Variants in SIPA1L3 observed in about 807,000 individuals in gnomAD.
SIPA1L3 encodes the protein signal-induced proliferation-associated 1-like protein 3.
In SIPA1L3, 59 loss-of-function variants were observed where a neutral mutation model predicts 150.1. The ratio of observed to expected loss-of-function variants is 0.39; its 90% confidence interval spans 0.32 to 0.49. The LOEUF (loss-of-function observed/expected upper bound fraction) is 0.49. Ranked by LOEUF, SIPA1L3 falls within the 20% of genes least tolerant of loss-of-function variation. SIPA1L3 has a pLI of 0.86. For missense variants in SIPA1L3, 2,211 were observed against 2,489.5 expected, an observed-to-expected ratio of 0.89 and a Z score of 2.38; for synonymous variants, 1,070 against 1,077.6, an observed-to-expected ratio of 0.99 and a Z score of 0.14.
chr19:38,193,397 G>A lies in SIPA1L3; in HGVS notation c.4597-140G>A, dbSNP rs186810612. 3.7e-4 allele frequency: 373 copies of A among 994,720 alleles called. 4 individuals are homozygous for A. In the African/African-American group the frequency reaches 5.8e-3, roughly 15 times the overall value. The allele number at this position is 994,720 out of a possible 1,614,324, so 61.6% of individuals were successfully genotyped here. On this transcript the variant is annotated intron_variant, in intron 17 of 21. Coordinates refer to ENST00000222345, the MANE Select transcript of SIPA1L3 (RefSeq NM_015073.3). ...GGGGAGGGAGGAAGGGAGGGAGGGA[G>A]GAAGGAAGGAAATGGGGCAGAAATG...
At chr19:38,122,224 A>G (rs1489806873) in intron 9 of SIPA1L3, among the ~76,000 whole-genome samples, 1 of 152,174 alleles carries the variant, frequency 6.6e-6, no homozygotes, top group Non-Finnish European at 1.5e-5. Flanking sequence ...CTGTCTCAAA[A>G]AAACAAACAA....
intron 12 of SIPA1L3, among the ~76,000 whole-genome samples, chr19:38,143,314 G>A (rs1971633624): frequency 6.6e-6 from 1 of 152,112 alleles, no homozygotes; most frequent in South Asian, 2.1e-4. Context: ...CTCAGGGGCA[G>A]CCACATCAAT....
At chr19:38,036,387 C>G (rs1269493221) in intron 2 of SIPA1L3, among the ~76,000 whole-genome samples, 1 of 152,214 alleles carries the variant, frequency 6.6e-6, no homozygotes, top group East Asian at 1.9e-4. Context: ...TTCCCCGTCC[C>G]CAGGGACGGA....
intron 1 of SIPA1L3, among the ~76,000 whole-genome samples, chr19:37,972,313 G>C (rs1966962719): frequency 6.6e-6 from 1 of 152,068 alleles, no homozygotes; most frequent in South Asian, 2.1e-4. Context: ...GAAATACGAA[G>C]ATAAATTTGT....
chr19:38,115,828 A>T (rs527374556), intron 8 of SIPA1L3, among the ~76,000 whole-genome samples: 87 of 152,222 alleles, frequency 5.7e-4, no homozygotes, highest in African/African-American at 1.9e-3. Context: ...TTATGAGTTT[A>T]TCTCTGTGTG....
intron 1 of SIPA1L3, among the ~76,000 whole-genome samples, chr19:37,955,297 A>G (rs2046800459): frequency 6.6e-6 from 1 of 151,862 alleles, no homozygotes; most frequent in Admixed American, 6.6e-5. Flanking sequence ...AGGCTGAGGC[A>G]GGAGAATCGC....
At position 38,193,630 on chromosome 19, in the gene SIPA1L3, G is replaced by C. The variant is rs2304172; in HGVS notation, c.4690G>C (p.Glu1564Gln). The change falls in exon 18 of 22, where the codon GAG becomes CAG. Residue 1564 changes from glutamate (E) to glutamine (Q), a missense_variant. Glu to Gln is a conservative substitution (Grantham distance 29). Around this residue, in one of 5 missense-constraint regions of SIPA1L3, gnomAD observed 806 missense variants for 870.1 expected, o/e 0.93. Coordinates refer to ENST00000222345, the MANE Select transcript of SIPA1L3 (RefSeq NM_015073.3). ...CAGCTTCGCCAGCCCCGCTGGCCTA[G>C]AGCCAGGGCTGCCCAGCGACGTGCT... is the stretch of plus-strand genomic sequence containing the variant. Reference protein sequence around the residue: ...EPSFASPAGLEPGLPSDVLFT... With the variant: ...EPSFASPAGLQPGLPSDVLFT... The C allele has an allele frequency of 2.4e-4, 374 of 1,577,544 alleles. 3 individuals carry two copies. In the East Asian group the frequency reaches 8.6e-3, roughly 36 times the overall value.
intron 13 of SIPA1L3, among the ~76,000 whole-genome samples, chr19:38,158,088 C>T (rs1971989777): frequency 1.3e-5 from 2 of 152,024 alleles, no homozygotes; most frequent in African/African-American, 2.4e-5. Flanking sequence ...TAAAAATTAG[C>T]CAGGCATAGT....
At chr19:38,194,394 C>T (rs769023422) in intron 18 of SIPA1L3, among the ~76,000 whole-genome samples, 7 of 149,818 alleles carry the variant, frequency 4.7e-5, no homozygotes, top group Non-Finnish European at 7.4e-5. Context: ...AAAGACAGTA[C>T]GTAAGTTTGC....
Position 38,130,686 on chromosome 19 carries a change from C to A in SIPA1L3, c.3057C>A (p.Thr1019=). The A allele has an allele frequency of 6.2e-7, 1 of 1,614,064 alleles. No individual in the cohort carries two copies. The highest frequency in any genetic ancestry group is 8.5e-7 in the Non-Finnish European group (1 of 1,180,034). ...EICKVAVVTL[T]HDQMIDLLRT... ...GCAAGGTGGCCGTGGTCACACTGAC[C>A]CACGACCAGATGATCGACCTGCTGC... Residue 1019 remains threonine (T), a synonymous_variant, in exon 10 of 22, where the codon ACC becomes ACA. Coordinates refer to ENST00000222345, the MANE Select transcript of SIPA1L3 (RefSeq NM_015073.3).
chr19:38,090,025 G>T (rs1005491465), intron 4 of SIPA1L3, among the ~76,000 whole-genome samples: 1 of 152,034 alleles, frequency 6.6e-6, no homozygotes, highest in African/African-American at 2.4e-5. Flanking sequence ...TCTTTGCACT[G>T]TCTCTTCCAA....
Position 37,959,594 on chromosome 19 carries a change from C to T in SIPA1L3, c.-379+52236C>T, listed in dbSNP as rs79326951. Among the ~76,000 whole-genome samples the T allele has an allele frequency of 1.4e-3, 218 of 152,252 alleles. 1 individual carries two copies. Among genetic ancestry groups the T allele is most frequent in the African/African-American group, 5.0e-3 (209 of 41,558 alleles). Reference sequence around the variant, plus strand: ...GGAGATGATAAAAATTTTCTAAGCTCAGGTTGTGGTGATGGTGAATTACAC... The same window carrying T: ...GGAGATGATAAAAATTTTCTAAGCTTAGGTTGTGGTGATGGTGAATTACAC... On this transcript the variant is annotated intron_variant, in intron 1 of 21. Coordinates refer to ENST00000222345, the MANE Select transcript of SIPA1L3 (RefSeq NM_015073.3).
At chr19:38,148,981 G>A (rs992402954) in intron 12 of SIPA1L3, among the ~76,000 whole-genome samples, 15 of 152,148 alleles carry the variant, frequency 9.9e-5, no homozygotes, top group Non-Finnish European at 1.6e-4. Flanking sequence ...GGAATGTCCC[G>A]ATTTCTAATC....
At chr19:37,987,511 A>G (rs543866160) in intron 1 of SIPA1L3, among the ~76,000 whole-genome samples, 4 of 152,350 alleles carry the variant, frequency 2.6e-5, no homozygotes, top group African/African-American at 9.6e-5. Flanking sequence ...GCTGTTCAGC[A>G]GCATCCCTGG....
At chr19:38,035,529 A>G (rs960805118) in intron 2 of SIPA1L3, among the ~76,000 whole-genome samples, 2 of 152,166 alleles carry the variant, frequency 1.3e-5, no homozygotes, top group African/African-American at 4.8e-5. Flanking sequence ...GGTGGCCAAG[A>G]GCACAGCTTT....
At chr19:38,161,947 C>A (rs955186757) in intron 13 of SIPA1L3, among the ~76,000 whole-genome samples, 1 of 151,736 alleles carries the variant, frequency 6.6e-6, no homozygotes, top group Admixed American at 6.6e-5. Context: ...GAGGCTGAGG[C>A]GGGAGGATGG....
chr19:38,018,923 C>T (rs1968302349), intron 1 of SIPA1L3, among the ~76,000 whole-genome samples: 1 of 152,182 alleles, frequency 6.6e-6, no homozygotes, highest in African/African-American at 2.4e-5. Context: ...CTCAACATCT[C>T]ATATATTTCT....
rs1353906992 is a variant in SIPA1L3 at position 38,119,242 on chromosome 19, A to G, written c.2292-64A>G. On this transcript the variant is annotated intron_variant, in intron 8 of 21. Coordinates refer to ENST00000222345, the MANE Select transcript of SIPA1L3 (RefSeq NM_015073.3). Reference sequence around the variant, plus strand: ...CCCTATTCCTATTTTTTGATCGAATATTTTCTCTCTGAAGTGTCTTAGTGC... The same window carrying G: ...CCCTATTCCTATTTTTTGATCGAATGTTTTCTCTCTGAAGTGTCTTAGTGC... 9 of 1,433,158 alleles carry G rather than the reference A, an allele frequency of 6.3e-6. No individual in the cohort carries two copies. The East Asian group carries it at 2.1e-4, about 33-fold the overall frequency. 88.8% of individuals were successfully genotyped at this position (1,433,158 alleles called of 1,614,324 possible). A position where few individuals can be genotyped will look rare whatever the true frequency, so the allele number is the denominator to read the frequency against.
At chr19:37,993,511 T>C (rs1373942287) in intron 1 of SIPA1L3, among the ~76,000 whole-genome samples, 1 of 152,168 alleles carries the variant, frequency 6.6e-6, no homozygotes, top group African/African-American at 2.4e-5. Flanking sequence ...TTTTGTATTT[T>C]TAGTAGAGAC....
Sources: allele counts gnomAD v4.1 joint callset (sites outside exome capture counted in the v4.1 genomes callset), GRCh38; gene constraint gnomAD v4.1.1; regional missense constraint gnomAD v4.1.1; transcripts MANE v1.5; gene names NCBI Gene and HGNC (gene_info 2026-07-23, HGNC 2026-07-21).